The following ZNF679 variants were observed in gnomAD, a reference collection of about 807,000 sequenced individuals.
ZNF679 encodes zinc finger protein 679.
A neutral mutation model predicts 13.4 loss-of-function variants in ZNF679; 10 were observed. The ratio of observed to expected loss-of-function variants is 0.75; its 90% confidence interval spans 0.46 to 1.27. The LOEUF is 1.27. ZNF679 is among the 50% of genes most tolerant of loss of function. The pLI, the probability that ZNF679 is intolerant of heterozygous loss-of-function variation, is 0.00. For synonymous variants in ZNF679, 179 were observed against 162.5 expected, an observed-to-expected ratio of 1.10 and a Z score of -0.77; for missense variants, 525 against 477.8, an observed-to-expected ratio of 1.10 and a Z score of -0.92.
intron 2 of ZNF679, among the ~76,000 whole-genome samples, chr7:64,259,638 T>C (rs1380310232): frequency 1.3e-5 from 2 of 152,058 alleles, no homozygotes; most frequent in African/African-American, 4.8e-5. Context: ...TCTTTATAAT[T>C]AAATTTAGGC....
intron 1 of ZNF679, among the ~76,000 whole-genome samples, chr7:64,230,286 C>G (rs1006205491): frequency 1.3e-5 from 2 of 152,256 alleles, no homozygotes; most frequent in Admixed American, 6.5e-5. Flanking sequence ...GTAATCCCAG[C>G]ACTTTGGGAG....
At chr7:64,261,056 A>AT (rs1048455978) in intron 4 of ZNF679, 127 bp downstream of exon 4, 2,005 of 950,218 alleles carry the variant, frequency 2.1e-3, no homozygotes, top group South Asian at 2.8e-3. Context: ...AGCCCGAGTC[A>AT]TTTTTTTTTC....
intron 4 of ZNF679, among the ~76,000 whole-genome samples, chr7:64,262,145 C>T (rs561786856): frequency 3.3e-5 from 5 of 152,254 alleles, no homozygotes; most frequent in East Asian, 1.9e-4. Context: ...AATGAGCCAC[C>T]GCGCCTGGCT....
chr7:64,235,115 G>C (rs1451824118), intron 1 of ZNF679, among the ~76,000 whole-genome samples: 2 of 152,086 alleles, frequency 1.3e-5, no homozygotes, highest in African/African-American at 4.8e-5. Context: ...TGGGATTACA[G>C]GTGTAAGCCA....
rs899471280 is a variant in ZNF679 at position 64,245,991 on chromosome 7, A to T, written c.-90-3037A>T. Among the ~76,000 whole-genome samples, 3 of 152,152 alleles carry T rather than the reference A, an allele frequency of 2.0e-5. No individual in the cohort carries two copies. The South Asian group carries it at 6.2e-4, about 32-fold the overall frequency. On this transcript the variant is annotated intron_variant, in intron 1 of 4. Transcript: ENST00000421025. ...ATTACACTCCAGCCTGGGCAACAAG[A>T]GCGAGACTCCGTCTCAAAACAAACA...
chr7:64,251,481 A>G (rs933727675), intron 2 of ZNF679, among the ~76,000 whole-genome samples: 4 of 152,098 alleles, frequency 2.6e-5, no homozygotes, highest in African/African-American at 9.7e-5. Context: ...GAGAAAAGGC[A>G]GAGAGTAATC....
chr7:64,230,539 C>CAAAAA (rs948433156), intron 1 of ZNF679, among the ~76,000 whole-genome samples: 1 of 61,218 alleles, frequency 1.6e-5, no homozygotes, highest in Non-Finnish European at 3.6e-5. Context: ...GACTCCGTCT[C>CAAAAA]AAAAAAAAAA....
rs770797007 is a variant in ZNF679, at chr7:64,266,393, A to G, written c.760A>G (p.Thr254Ala). The change falls in exon 5 of 5, where the codon ACC becomes GCC. Residue 254 changes from threonine (T) to alanine (A), a missense_variant. Coordinates refer to ENST00000421025, the MANE Select transcript of ZNF679 (RefSeq NM_153363.3). ...ECGKAFTWSS[T>A]LTKHRRIHTG... ...TGGCAAAGCTTTTACCTGGTCCTCAACCCTTACTAAACATAGGAGAATTCA... is the reference window on the plus strand; with the variant it reads ...TGGCAAAGCTTTTACCTGGTCCTCAGCCCTTACTAAACATAGGAGAATTCA... 18 of 1,612,924 alleles carry G rather than the reference A, an allele frequency of 1.1e-5. No homozygotes were observed. In the African/African-American group the frequency reaches 2.3e-4, roughly 20 times the overall value.
At chr7:64,239,037 CAG>C (rs930760934) in intron 1 of ZNF679, among the ~76,000 whole-genome samples, 3 of 152,062 alleles carry the variant, frequency 2.0e-5, no homozygotes, top group African/African-American at 7.2e-5. Context: ...GTGGGTGGTA[CAG>C]AGAGTCTCAT....
chr7:64,242,611 A>G (rs915153272), intron 1 of ZNF679, among the ~76,000 whole-genome samples: 3 of 152,132 alleles, frequency 2.0e-5, no homozygotes, highest in Non-Finnish European at 4.4e-5. Context: ...TTCAGGAACT[A>G]TTTTGCTCTC....
At chr7:64,233,072 G>A (rs1375656239) in intron 1 of ZNF679, among the ~76,000 whole-genome samples, 1 of 151,794 alleles carries the variant, frequency 6.6e-6, no homozygotes, top group Non-Finnish European at 1.5e-5. Flanking sequence ...AAAACCCCGT[G>A]TCTACTAAAA....
At chr7:64,232,989 C>T (rs1006673780) in intron 1 of ZNF679, among the ~76,000 whole-genome samples, 1 of 152,184 alleles carries the variant, frequency 6.6e-6, no homozygotes, top group Non-Finnish European at 1.5e-5. Context: ...CCCTGTAATC[C>T]TGGCACTTTG....
At chr7:64,242,538 T>C (rs1269827624) in intron 1 of ZNF679, among the ~76,000 whole-genome samples, 1 of 152,158 alleles carries the variant, frequency 6.6e-6, no homozygotes, top group Non-Finnish European at 1.5e-5. Flanking sequence ...TCAATATCCC[T>C]CCTGTGGCTC....
chr7:64,250,133 CCCCTG>C (rs1427826374), intron 2 of ZNF679, among the ~76,000 whole-genome samples: 1 of 151,994 alleles, frequency 6.6e-6, no homozygotes, highest in Non-Finnish European at 1.5e-5. Flanking sequence ...TGAGCCACCG[CCCCTG>C]GCCATAAGAG....
chr7:64,234,653 T>C (rs1450648824), intron 1 of ZNF679, among the ~76,000 whole-genome samples: 1 of 152,136 alleles, frequency 6.6e-6, no homozygotes, highest in Non-Finnish European at 1.5e-5. Context: ...AACCAAAGCA[T>C]AGAGCCCAAC....
At chr7:64,249,990 C>T (rs1787923541) in intron 2 of ZNF679, among the ~76,000 whole-genome samples, 1 of 151,908 alleles carries the variant, frequency 6.6e-6, no homozygotes, top group South Asian at 2.1e-4. Context: ...TATGGGTGCC[C>T]GCCACCGTGC....
At chr7:64,263,602 T>A (rs1403791548) in intron 4 of ZNF679, among the ~76,000 whole-genome samples, 3 of 152,158 alleles carry the variant, frequency 2.0e-5, no homozygotes, top group Non-Finnish European at 4.4e-5. Context: ...TACAATCCCC[T>A]TGGTAATCAT....
intron 2 of ZNF679, among the ~76,000 whole-genome samples, chr7:64,256,937 C>T (rs978069614): frequency 2.0e-5 from 3 of 152,104 alleles, no homozygotes; most frequent in African/African-American, 7.2e-5. Flanking sequence ...ACATCATGAT[C>T]CGCCCGTCTT....
chr7:64,261,498 C>T (rs1788076860), intron 4 of ZNF679, among the ~76,000 whole-genome samples: 1 of 151,892 alleles, frequency 6.6e-6, no homozygotes, highest in Non-Finnish European at 1.5e-5. Flanking sequence ...CAGGATACCT[C>T]TTATGTCTTC....
Sources: allele counts gnomAD v4.1 joint callset (sites outside exome capture counted in the v4.1 genomes callset), GRCh38; gene constraint gnomAD v4.1.1; transcripts MANE v1.5; gene names NCBI Gene and HGNC (gene_info 2026-07-23, HGNC 2026-07-21).